Variants in TP53I11 observed in about 807,000 individuals in gnomAD.
TP53I11 encodes tumor protein p53-inducible protein 11.
TP53I11 carries 9 observed loss-of-function variants against 23.3 expected under a neutral mutation model. The observed-to-expected ratio is 0.39, with a 90% CI of 0.23 to 0.67. The LOEUF (loss-of-function observed/expected upper bound fraction) is 0.67. Ranked by LOEUF, TP53I11 falls within the 30% of genes least tolerant of loss-of-function variation. TP53I11 has a pLI of 0.48. For synonymous variants in TP53I11, 100 were observed against 106.1 expected (o/e 0.94, Z 0.35); for missense variants, 170 against 255.2 (o/e 0.67, Z 2.27).
intron 1 of TP53I11, chr11:44,947,149 C>T (rs1862466778): frequency 8.8e-6 from 4 of 455,596 alleles, no homozygotes; most frequent in South Asian, 4.6e-5. Context: ...GGATCAGGCC[C>T]TCTGATGGCC....
At chr11:44,945,532 C>G (rs1054758453) in intron 1 of TP53I11, among the ~76,000 whole-genome samples, 8 of 151,954 alleles carry the variant, frequency 5.3e-5, no homozygotes, top group Non-Finnish European at 1.5e-5. Flanking sequence ...GAGCTCTAAC[C>G]CATCTTCCCC....
intron 1 of TP53I11, among the ~76,000 whole-genome samples, chr11:44,942,647 C>G (rs765724762): frequency 6.6e-6 from 1 of 152,218 alleles, no homozygotes; most frequent in Non-Finnish European, 1.5e-5. Context: ...CATCAGACAT[C>G]TGAGCTGGTG....
chr11:44,933,010 T>G lies in TP53I11; in HGVS notation c.*1874A>C. The G allele has an allele frequency of 8.0e-6, 1 of 124,856 alleles. No individual in the cohort carries two copies. Among genetic ancestry groups the G allele is most frequent in the Admixed American group, 8.3e-5 (1 of 12,016 alleles). 7.7% of individuals were successfully genotyped at this position (124,856 alleles called of 1,614,324 possible). A position where few individuals can be genotyped will look rare whatever the true frequency, so the allele number is the denominator to read the frequency against. On this transcript the variant is annotated 3_prime_UTR_variant, in exon 7 of 7. Coordinates refer to ENST00000525680, the MANE Select transcript of TP53I11 (RefSeq NM_006034.5). ...GCTTCGGCCTGAGGGCACTGCCCAT[T>G]GGCGGCACCACCTGTGGGCAGCAGC...
At position 44,936,180 on chromosome 11, in the gene TP53I11, C is replaced by T. The variant is rs1861091722; in HGVS notation, c.335-518G>A. On this transcript the variant is annotated intron_variant, in intron 5 of 6. Coordinates refer to ENST00000525680, the MANE Select transcript of TP53I11 (RefSeq NM_006034.5). The surrounding 1 kb of genome is among the most constrained non-coding windows in gnomAD (Gnocchi z 4.4). The stretch of plus-strand genomic sequence containing the variant: ...ACCACTGACTTGGCCTCTAGCAGGC[C>T]CCGCCCACCCAGTGTCTGCTGGTAC... 8 of 1,007,272 alleles carry T rather than the reference C, an allele frequency of 7.9e-6. No individual in the cohort carries two copies. The South Asian group carries it at 3.6e-4, about 46-fold the overall frequency. The allele number at this position is 1,007,272 out of a possible 1,614,324, so 62.4% of individuals were successfully genotyped here. A position where few individuals can be genotyped will look rare whatever the true frequency, so the allele number is the denominator to read the frequency against.
Position 44,936,500 on chromosome 11 carries a change from A to C in TP53I11, c.334+303T>G. ...TCTCCTCTAGGCTGTGAATTCCTAG[A>C]GGCTGGGCCTGGGCTTCCTCCATCT... On this transcript the variant is annotated intron_variant, in intron 5 of 6. Coordinates refer to ENST00000525680, the MANE Select transcript of TP53I11 (RefSeq NM_006034.5). This position sits in a 1 kb window ranked among gnomAD's most constrained non-coding sequence, Gnocchi z 4.4. 2 of 1,241,054 alleles carry C rather than the reference A, an allele frequency of 1.6e-6. No individual in the cohort carries two copies. The highest frequency in any genetic ancestry group is 2.0e-6 in the Non-Finnish European group (2 of 993,140). 76.9% of individuals were successfully genotyped at this position (1,241,054 alleles called of 1,614,324 possible). A position where few individuals can be genotyped will look rare whatever the true frequency, so the allele number is the denominator to read the frequency against.
At chr11:44,951,272 C>T (rs1399592100), upstream of TP53I11, 1 of 152,710 alleles carries the variant, frequency 6.5e-6, no homozygotes, top group Non-Finnish European at 1.5e-5. Context: ...ATGGAAGGGA[C>T]TGCTTTGGCT....
chr11:44,936,693 G>T lies in TP53I11; in HGVS notation c.334+110C>A, dbSNP rs1861154084. 3 of 1,366,098 alleles carry T rather than the reference G, an allele frequency of 2.2e-6. No homozygotes were observed. Among genetic ancestry groups the T allele is most frequent in the Non-Finnish European group, 2.8e-6 (3 of 1,054,656 alleles). The allele number at this position is 1,366,098 out of a possible 1,614,324, so 84.6% of individuals were successfully genotyped here. ...GGCCGGGGTGTGGGCGCAGCATCTG[G>T]CCGAAGAAAGGAAGGGGTGCCCGGG... On this transcript the variant is annotated intron_variant, in intron 5 of 6. Transcript: ENST00000525680. The surrounding 1 kb of genome is among the most constrained non-coding windows in gnomAD (Gnocchi z 4.4).
rs372366427 is a variant in TP53I11, at chr11:44,936,831, G to A, written c.306C>T (p.Pro102=). 88 of 1,608,202 alleles carry A rather than the reference G, an allele frequency of 5.5e-5. No individual in the cohort carries two copies. The highest frequency in any genetic ancestry group is 6.7e-5 in the Non-Finnish European group (79 of 1,178,054). The change falls in exon 5 of 7, where the codon CCC becomes CCT. Residue 102 remains proline (P), a synonymous_variant. Transcript: ENST00000525680. This position sits in a 1 kb window ranked among gnomAD's most constrained non-coding sequence, Gnocchi z 4.4. ...FDGAQVTSKT[P]IRLYGGALLS... is the part of the protein sequence containing the mutation. ...GGAGGGCACCGCCGTAGAGGCGGAT[G>A]GGGGTCTTGCTGGTCACCTGGGCTC...
intron 1 of TP53I11, among the ~76,000 whole-genome samples, chr11:44,945,737 G>A (rs1374478990): frequency 1.3e-5 from 2 of 152,182 alleles, no homozygotes; most frequent in Non-Finnish European, 2.9e-5. Context: ...CAGAGTTGGG[G>A]GGCGGGGTGC....
Position 44,934,422 on chromosome 11 carries a change from A to C in TP53I11, c.*462T>G. Reference sequence around the variant, plus strand: ...ACAGGGTTTTCCAGGATTAGAAGGAAGCCAAGTTTAGCTGCTTGGGCACTA... The same window carrying C: ...ACAGGGTTTTCCAGGATTAGAAGGACGCCAAGTTTAGCTGCTTGGGCACTA... On this transcript the variant is annotated 3_prime_UTR_variant, in exon 7 of 7. Transcript: ENST00000525680. The C allele has an allele frequency of 5.6e-6, 1 of 178,852 alleles. No homozygotes were observed. Among genetic ancestry groups the C allele is most frequent in the East Asian group, 1.4e-4 (1 of 7,380 alleles). The allele number at this position is 178,852 out of a possible 1,614,324, so 11.1% of individuals were successfully genotyped here. A position where few individuals can be genotyped will look rare whatever the true frequency, so the allele number is the denominator to read the frequency against.
At chr11:44,941,696 C>A (rs925642949) in intron 1 of TP53I11, among the ~76,000 whole-genome samples, 4 of 152,150 alleles carry the variant, frequency 2.6e-5, no homozygotes, top group Non-Finnish European at 4.4e-5. Flanking sequence ...CCACCCTCCC[C>A]AGGCCTCCCA....
intron 1 of TP53I11, among the ~76,000 whole-genome samples, chr11:44,942,045 A>ACACACACCACACACACACCGTACAAAC (rs1554949129): frequency 2.7e-4 from 2 of 7,406 alleles, no homozygotes; most frequent in East Asian, 4.0e-3. Flanking sequence ...ACACACATAC[A>ACACACACCACACACACACCGTACAAAC]CACCACACAC....
chr11:44,939,926 A>G lies in TP53I11; in HGVS notation c.-31-1560T>C, dbSNP rs1460860769. 2.0e-5 allele frequency among the ~76,000 whole-genome samples: 3 copies of G among 152,174 alleles called. No individual in the cohort carries two copies. The East Asian group carries it at 5.8e-4, about 29-fold the overall frequency. ...GGGTGGTAACTGTGACGGCAGTCCCACACCCGGCACACAAGAGACTCCCGG... is the reference window on the plus strand; with the variant it reads ...GGGTGGTAACTGTGACGGCAGTCCCGCACCCGGCACACAAGAGACTCCCGG... On this transcript the variant is annotated intron_variant, in intron 1 of 6. Transcript: ENST00000525680.
rs1862896137 is a variant in TP53I11 at position 44,950,821 on chromosome 11, A to AGGGCAGGGCC, written c.-186_-177dup. On this transcript the variant is annotated 5_prime_UTR_variant, in exon 1 of 7. Transcript: ENST00000525680. ...AGGGCAGGGCAGGACAGGGCAGGGC[A>AGGGCAGGGCC]GGGCAGGGCCGGGCCGGCTGGACTG... 6.6e-6 allele frequency: 1 copy of AGGGCAGGGCC among 151,790 alleles called. No homozygotes were observed. The highest frequency in any genetic ancestry group is 2.4e-5 in the African/African-American group (1 of 41,008). 9.4% of individuals were successfully genotyped at this position (151,790 alleles called of 1,614,324 possible).
intron 5 of TP53I11, chr11:44,935,952 G>C: frequency 4.0e-6 from 2 of 494,934 alleles, no homozygotes; most frequent in Non-Finnish European, 7.3e-6. Context: ...TAAAGGGGGA[G>C]GACTGAGCCC....
chr11:44,936,940 A>G lies in TP53I11; in HGVS notation c.238-41T>C. 6.9e-7 allele frequency: 1 copy of G among 1,451,226 alleles called. No homozygotes were observed. The highest frequency in any genetic ancestry group is 9.5e-7 in the Non-Finnish European group (1 of 1,057,662). The allele number at this position is 1,451,226 out of a possible 1,614,324, so 89.9% of individuals were successfully genotyped here. A position where few individuals can be genotyped will look rare whatever the true frequency, so the allele number is the denominator to read the frequency against. On this transcript the variant is annotated intron_variant, in intron 4 of 6. Coordinates refer to ENST00000525680, the MANE Select transcript of TP53I11 (RefSeq NM_006034.5). This position sits in a 1 kb window ranked among gnomAD's most constrained non-coding sequence, Gnocchi z 4.4. ...GGGGCTCAGAGGTCCCGCTTGGGAGAGGGTGGGGGGTGACAGCTGATGCTT... is the reference window on the plus strand; with the variant it reads ...GGGGCTCAGAGGTCCCGCTTGGGAGGGGGTGGGGGGTGACAGCTGATGCTT...
At chr11:44,935,717 C>T in intron 5 of TP53I11, 55 bp from the exon 6 acceptor site, 1 of 1,327,334 alleles carries the variant, frequency 7.5e-7, no homozygotes. Context: ...TCCCTCCCAG[C>T]AGGGCAGGAG....
intron 1 of TP53I11, chr11:44,949,866 C>T (rs1025436424): frequency 3.3e-5 from 5 of 152,416 alleles, no homozygotes; most frequent in Non-Finnish European, 7.3e-5. Context: ...GGCTAAGGCG[C>T]GGCCTGGGTT....
In TP53I11 at chr11:44,936,547, C is replaced by A; in HGVS notation, c.334+256G>T. On this transcript the variant is annotated intron_variant, in intron 5 of 6. Coordinates refer to ENST00000525680, the MANE Select transcript of TP53I11 (RefSeq NM_006034.5). The surrounding 1 kb of genome is among the most constrained non-coding windows in gnomAD (Gnocchi z 4.4). Reference sequence around the variant, plus strand: ...ATCTCTGTACCACAACGCCCAGAGGCAGTGCACACACTTATGAGCGCTCCT... The same window carrying A: ...ATCTCTGTACCACAACGCCCAGAGGAAGTGCACACACTTATGAGCGCTCCT... The A allele has an allele frequency of 7.9e-7, 1 of 1,266,448 alleles. No individual in the cohort carries two copies. The highest frequency in any genetic ancestry group is 9.9e-7 in the Non-Finnish European group (1 of 1,006,430). 78.5% of individuals were successfully genotyped at this position (1,266,448 alleles called of 1,614,324 possible).
Sources: allele counts gnomAD v4.1 joint callset (sites outside exome capture counted in the v4.1 genomes callset), GRCh38; gene constraint gnomAD v4.1.1; non-coding constraint Gnocchi (gnomAD v3.1); transcripts MANE v1.5; gene names NCBI Gene and HGNC (gene_info 2026-07-23, HGNC 2026-07-21).